SERAC1: variants seen among roughly 807,000 people sequenced by gnomAD.
The protein encoded by SERAC1 is serine active site containing 1.
Under a neutral mutation model 85.7 loss-of-function variants are expected in SERAC1, and 36 were observed. That is an observed-to-expected ratio of 0.42 (90% confidence interval 0.32 to 0.55). SERAC1 has a LOEUF of 0.55. SERAC1 is among the 20% of genes least tolerant of loss of function. The pLI is 0.11. For synonymous variants in SERAC1, 242 were observed against 265.3 expected (o/e 0.91, Z 0.85); for missense variants, 629 against 796.2 (o/e 0.79, Z 2.53).
intron 9 of SERAC1, among the ~76,000 whole-genome samples, chr6:158,130,008 T>C (rs886415379): frequency 6.6e-6 from 1 of 152,230 alleles, no homozygotes; most frequent in African/African-American, 2.4e-5. Flanking sequence ...TTTTTTCTTT[T>C]ATCCTGTCAC....
rs139791597 is a variant in SERAC1, at chr6:158,157,836, G to A, written c.91+437C>T. On this transcript the variant is annotated intron_variant, in intron 2 of 16. Coordinates refer to ENST00000647468, the MANE Select transcript of SERAC1 (RefSeq NM_032861.4). ...GAAATGACAAGTAACAGATCCAACCGGGCCTAGGGTGTCAGAGAAAGCTTC... is the reference window on the plus strand; with the variant it reads ...GAAATGACAAGTAACAGATCCAACCAGGCCTAGGGTGTCAGAGAAAGCTTC... 4.6e-5 allele frequency among the ~76,000 whole-genome samples: 7 copies of A among 152,176 alleles called. No homozygotes were observed. In the East Asian group the frequency reaches 5.8e-4, roughly 13 times the overall value.
Position 158,120,144 on chromosome 6 carries a change from T to C in SERAC1, c.1166+281A>G, listed in dbSNP as rs1290658384. Among the ~76,000 whole-genome samples, 3 of 152,184 alleles carry C rather than the reference T, an allele frequency of 2.0e-5. No homozygotes were observed. The highest frequency in any genetic ancestry group is 4.8e-5 in the African/African-American group (2 of 41,438). On this transcript the variant is annotated intron_variant, in intron 11 of 16. Transcript: ENST00000647468. The surrounding 1 kb of genome is among the most constrained non-coding windows in gnomAD (Gnocchi z 4.4). ...AATGCCTTGAACCAAAGGAGATATG[T>C]ATTACAAAGTTTAAGTGTGACGCAT...
intron 9 of SERAC1, among the ~76,000 whole-genome samples, chr6:158,128,599 T>A (rs1784600252): frequency 6.6e-6 from 1 of 152,214 alleles, no homozygotes; most frequent in African/African-American, 2.4e-5. Context: ...CACTTTGACT[T>A]GAAATTACCT....
intron 3 of SERAC1, 47 bp from the exon 4 acceptor site, chr6:158,150,636 T>C: frequency 7.6e-7 from 1 of 1,323,522 alleles, no homozygotes; most frequent in Non-Finnish European, 1.1e-6. Context: ...AATCAAAATG[T>C]AACACAAGAG....
rs1279110632 is a variant in SERAC1 at position 158,110,817 on chromosome 6, A to T, written c.*549T>A. On this transcript the variant is annotated 3_prime_UTR_variant, in exon 17 of 17. Transcript: ENST00000647468. Reference sequence around the variant, plus strand: ...TACAAGGAACTGACCCAGACATGACAATAAGTCTAACAAAGTTAACACTAG... The same window carrying T: ...TACAAGGAACTGACCCAGACATGACTATAAGTCTAACAAAGTTAACACTAG... 1 of 152,252 alleles carries T rather than the reference A, an allele frequency of 6.6e-6. No homozygotes were observed. The highest frequency in any genetic ancestry group is 1.5e-5 in the Non-Finnish European group (1 of 68,048). The allele number at this position is 152,252 out of a possible 1,614,324, so 9.4% of individuals were successfully genotyped here. A position where few individuals can be genotyped will look rare whatever the true frequency, so the allele number is the denominator to read the frequency against.
intron 8 of SERAC1, among the ~76,000 whole-genome samples, chr6:158,131,235 A>T (rs1784664865): frequency 6.7e-6 from 1 of 149,960 alleles, no homozygotes; most frequent in Non-Finnish European, 1.5e-5. Flanking sequence ...GCACAGTCAT[A>T]AACATAAAGT....
rs60806678 is a variant in SERAC1 at position 158,151,428 on chromosome 6, A to ATTTT, written c.129-843_129-840dup. Among the ~76,000 whole-genome samples, 331 of 148,366 alleles carry ATTTT rather than the reference A, an allele frequency of 2.2e-3. 2 individuals carry two copies. Among genetic ancestry groups the ATTTT allele is most frequent in the African/African-American group, 7.7e-3 (310 of 40,338 alleles). On this transcript the variant is annotated intron_variant, in intron 3 of 16. Coordinates refer to ENST00000647468, the MANE Select transcript of SERAC1 (RefSeq NM_032861.4). ...CAGAGCAAGACCTCGTCTCAAAAAGATTTTTTTTTTTGAGGTGGAGTCTCA... is the reference window on the plus strand; with the variant it reads ...CAGAGCAAGACCTCGTCTCAAAAAGATTTTTTTTTTTTTTTGAGGTGGAGTCTCA...
At chr6:158,139,478 A>G (rs1784868427) in intron 8 of SERAC1, among the ~76,000 whole-genome samples, 1 of 152,220 alleles carries the variant, frequency 6.6e-6, no homozygotes, top group Non-Finnish European at 1.5e-5. Flanking sequence ...AACTCTTACA[A>G]TTCAACAACA....
intron 14 of SERAC1, 137 bp from the exon 15 acceptor site, chr6:158,115,108 C>T: frequency 1.1e-6 from 1 of 882,654 alleles, no homozygotes. Context: ...AAACAATTCT[C>T]TGTACAGTAG....
At chr6:158,113,694 C>T in intron 15 of SERAC1, 102 bp from the exon 16 acceptor site, 1 of 1,106,992 alleles carries the variant, frequency 9.0e-7, no homozygotes. Context: ...AATTCTGATT[C>T]AAGACGGTGG....
rs1248460682 is a variant in SERAC1 at position 158,117,599 on chromosome 6, A to G, written c.1403+128T>C. On this transcript the variant is annotated intron_variant, in intron 13 of 16. Coordinates refer to ENST00000647468, the MANE Select transcript of SERAC1 (RefSeq NM_032861.4). The surrounding 1 kb of genome is among the most constrained non-coding windows in gnomAD (Gnocchi z 4.3). Reference sequence around the variant, plus strand: ...TTCTAGAAGGAAGACAAAAAAGATTAGGTTTGTTCTTCATAAGAAAATCCT... The same window carrying G: ...TTCTAGAAGGAAGACAAAAAAGATTGGGTTTGTTCTTCATAAGAAAATCCT... The G allele has an allele frequency of 6.4e-7, 1 of 1,559,176 alleles. No individual in the cohort carries two copies. Among genetic ancestry groups the G allele is most frequent in the Non-Finnish European group, 8.7e-7 (1 of 1,150,250 alleles).
rs1785003230 is a variant in SERAC1 at position 158,144,395 on chromosome 6, T to C, written c.513A>G (p.Gln171=). ...CAATAAGAGTTTTCGGATCACAGGC[T>C]TGAGCAATTATCCTATACTGGTAAT... ...WHDYQYRIIA[Q]ACDPKTLIGL... Residue 171 remains glutamine, a synonymous_variant, in exon 7 of 17, where the codon CAA becomes CAG. Coordinates refer to ENST00000647468, the MANE Select transcript of SERAC1 (RefSeq NM_032861.4). 1.2e-6 allele frequency: 2 copies of C among 1,612,626 alleles called. No homozygotes were observed. The highest frequency in any genetic ancestry group is 8.5e-7 in the Non-Finnish European group (1 of 1,179,228).
chr6:158,146,991 T>TAAACA lies in SERAC1; in HGVS notation c.356-83_356-79dup. 9.7e-6 allele frequency: 14 copies of TAAACA among 1,450,450 alleles called. No homozygotes were observed. In the South Asian group the frequency reaches 1.7e-4, roughly 17 times the overall value. 89.8% of individuals were successfully genotyped at this position (1,450,450 alleles called of 1,614,324 possible). A position where few individuals can be genotyped will look rare whatever the true frequency, so the allele number is the denominator to read the frequency against. ...ATCTTCACTTTAAGATGGTAATTTA[T>TAAACA]AAACACTGAAATCTACAATTGGAGA... On this transcript the variant is annotated intron_variant, in intron 5 of 16. Transcript: ENST00000647468.
intron 1 of SERAC1, among the ~76,000 whole-genome samples, chr6:158,167,683 AG>A (rs1168459729): frequency 6.6e-6 from 1 of 152,146 alleles, no homozygotes; most frequent in African/African-American, 2.4e-5. Context: ...GGGGAAAGGG[AG>A]TAACTTTAGA....
At chr6:158,139,693 T>C (rs1583585572) in intron 8 of SERAC1, among the ~76,000 whole-genome samples, 1 of 152,086 alleles carries the variant, frequency 6.6e-6, no homozygotes, top group East Asian at 1.9e-4. Flanking sequence ...TGCCTGTGAA[T>C]AGCTACTGCA....
chr6:158,147,625 C>T (rs1337655189), intron 5 of SERAC1, among the ~76,000 whole-genome samples: 1 of 148,442 alleles, frequency 6.7e-6, no homozygotes, highest in Non-Finnish European at 1.5e-5. Context: ...AAAAAATTAG[C>T]TGGGTGTGGT....
intron 1 of SERAC1, among the ~76,000 whole-genome samples, chr6:158,163,674 C>T (rs757624281): frequency 2.0e-5 from 3 of 152,154 alleles, no homozygotes; most frequent in Admixed American, 1.3e-4. Flanking sequence ...TCCACTCCAT[C>T]GATCTATTTA....
chr6:158,159,044 T>C (rs1197528784), intron 1 of SERAC1: 1 of 152,158 alleles, frequency 6.6e-6, no homozygotes, highest in Non-Finnish European at 1.5e-5. Flanking sequence ...GGTTTTTTTT[T>C]CTTTTTCCTT....
chr6:158,142,768 C>T (rs1784948885), intron 8 of SERAC1, among the ~76,000 whole-genome samples: 1 of 152,202 alleles, frequency 6.6e-6, no homozygotes, highest in African/African-American at 2.4e-5. Context: ...AGCCACTGCG[C>T]CCGGCCCTCA....
Sources: gnomAD v4.1 joint callset for allele counts (sites outside exome capture counted in the v4.1 genomes callset) on GRCh38, gnomAD v4.1.1 for gene constraint, Gnocchi (gnomAD v3.1) non-coding constraint, MANE v1.5 for transcripts, NCBI Gene and HGNC (gene_info 2026-07-23, HGNC 2026-07-21) for gene names.